The following AR variants were observed in gnomAD, a reference collection of about 807,000 sequenced individuals.
AR encodes androgen receptor.
A neutral mutation model predicts 53.9 loss-of-function variants in AR; 8 were observed. The ratio of observed to expected loss-of-function variants is 0.15; its 90% confidence interval spans 0.09 to 0.27. AR has a LOEUF of 0.27. Ranked by LOEUF, AR falls within the 10% of genes least tolerant of loss-of-function variation. AR has a pLI of 1.00. For missense variants in AR, 639 were observed against 742.5 expected (o/e 0.86, Z 1.62); for synonymous variants, 359 against 316.4 (o/e 1.13, Z -1.43).
intron 2 of AR, among the ~76,000 whole-genome samples, chrX:67,661,166 C>T (rs982292216): frequency 2.7e-5 from 3 of 111,520 alleles, no homozygotes; most frequent in Admixed American, 1.9e-4. Flanking sequence ...CAAACAGAGA[C>T]AATTTGACTT....
chrX:67,686,176 C>T (rs2075965883), intron 3 of AR, 50 bp downstream of exon 3: 2 of 1,129,716 alleles, frequency 1.8e-6, no homozygotes, highest in Non-Finnish European at 1.2e-6. Flanking sequence ...CCCCCTTCTC[C>T]CTCATTTTCT....
intron 5 of AR, among the ~76,000 whole-genome samples, chrX:67,719,201 C>A (rs2076125875): frequency 8.9e-6 from 1 of 111,851 alleles, no homozygotes. Context: ...GCTTTTGGCA[C>A]AAACTGCTTT....
chrX:67,637,721 T>G (rs997581113), intron 1 of AR, among the ~76,000 whole-genome samples: 1 of 111,416 alleles, frequency 9.0e-6, no homozygotes, highest in African/African-American at 3.3e-5. Context: ...CAGGCTTAAC[T>G]GAAACTTTAT....
At chrX:67,593,841 G>A (rs1922954118) in intron 1 of AR, among the ~76,000 whole-genome samples, 1 of 111,824 alleles carries the variant, frequency 8.9e-6, no homozygotes, top group East Asian at 2.8e-4. Context: ...AAATAAGTAC[G>A]GTTTTCATTT....
rs55686369 is a variant in AR, at chrX:67,721,917, C to G, written c.2403C>G (p.Thr801=). 8.3e-7 allele frequency: 1 copy of G among 1,211,393 alleles called. No individual in the cohort carries two copies. The highest frequency in any genetic ancestry group is 3.0e-5 in the East Asian group (1 of 33,794). The change falls in exon 6 of 8, where the codon ACC becomes ACG. Residue 801 remains threonine, a synonymous_variant. Coordinates refer to ENST00000374690, the MANE Select transcript of AR (RefSeq NM_000044.6). Reference sequence around the variant, plus strand: ...AAGAGTTTGGATGGCTCCAAATCACCCCCCAGGAATTCCTGTGCATGAAAG... The same window carrying G: ...AAGAGTTTGGATGGCTCCAAATCACGCCCCAGGAATTCCTGTGCATGAAAG... The part of the protein sequence containing the change: ...LSQEFGWLQI[T]PQEFLCMKAL...
At chrX:67,567,603 C>A (rs1921609490) in intron 1 of AR, among the ~76,000 whole-genome samples, 1 of 111,314 alleles carries the variant, frequency 9.0e-6, no homozygotes, top group Non-Finnish European at 1.9e-5. Flanking sequence ...ACCAATAAGA[C>A]CATGAGTGAA....
At chrX:67,695,888 G>T in intron 3 of AR, 15 of 752,858 alleles carry the variant, frequency 2.0e-5, no homozygotes, top group Non-Finnish European at 2.3e-5. Context: ...CTGGAGAAAA[G>T]CCAAGGAAGG....
At chrX:67,580,063 C>T (rs1308584303) in intron 1 of AR, among the ~76,000 whole-genome samples, 3 of 109,675 alleles carry the variant, frequency 2.7e-5, no homozygotes, top group African/African-American at 1.0e-4. Flanking sequence ...AGCCACCACT[C>T]ATCAGTTCTC....
In AR at chrX:67,699,814, T is replaced by G. The variant is rs1347049224; in HGVS notation, c.1886-11588T>G. ...CAAACTTCCTAAGACTTTGGAAACTTCACGCCACTTTCACCTTTTCCTTAA... is the reference window on the plus strand; with the variant it reads ...CAAACTTCCTAAGACTTTGGAAACTGCACGCCACTTTCACCTTTTCCTTAA... On this transcript the variant is annotated intron_variant, in intron 3 of 7. Coordinates refer to ENST00000374690, the MANE Select transcript of AR (RefSeq NM_000044.6). Among the ~76,000 whole-genome samples, 22 of 111,280 alleles carry G rather than the reference T, an allele frequency of 2.0e-4. No homozygotes were observed. The Admixed American group carries it at 2.1e-3, about 11-fold the overall frequency.
chrX:67,548,087 C>A (rs1370219610), intron 1 of AR, among the ~76,000 whole-genome samples: 1 of 111,695 alleles, frequency 9.0e-6, no homozygotes. Flanking sequence ...TGGCTGTTTT[C>A]TTTTACCTGT....
At chrX:67,712,481 T>C (rs1479571509) in intron 4 of AR, among the ~76,000 whole-genome samples, 1 of 112,573 alleles carries the variant, frequency 8.9e-6, no homozygotes, top group Non-Finnish European at 1.9e-5. Context: ...GTTATTAAAA[T>C]ATTACAGCTT....
At chrX:67,702,151 G>T (rs1339446014) in intron 3 of AR, among the ~76,000 whole-genome samples, 1 of 111,730 alleles carries the variant, frequency 9.0e-6, no homozygotes, top group East Asian at 2.8e-4. Context: ...ATAGGGATAA[G>T]AAATATCTTT....
At chrX:67,639,040 G>A (rs758735445) in intron 1 of AR, among the ~76,000 whole-genome samples, 2 of 111,935 alleles carry the variant, frequency 1.8e-5, no homozygotes, top group South Asian at 7.4e-4. Flanking sequence ...CATATGGCTA[G>A]CTAGTTTTCC....
At chrX:67,719,782 G>A (rs769387549) in intron 5 of AR, among the ~76,000 whole-genome samples, 1 of 112,178 alleles carries the variant, frequency 8.9e-6, no homozygotes, top group South Asian at 3.7e-4. Context: ...GACACCCACT[G>A]AAGAGGCAGT....
intron 1 of AR, among the ~76,000 whole-genome samples, chrX:67,614,011 A>G (rs1435323833): frequency 1.8e-5 from 2 of 112,407 alleles, no homozygotes; most frequent in Non-Finnish European, 3.8e-5. Context: ...TCATAGCAAC[A>G]TTAACCAAAA....
intron 3 of AR, among the ~76,000 whole-genome samples, chrX:67,708,176 T>A (rs1363958038): frequency 8.9e-6 from 1 of 111,785 alleles, no homozygotes; most frequent in Admixed American, 9.5e-5. Flanking sequence ...TTCCTGAATG[T>A]GAATGTTGGC....
Position 67,590,196 on chromosome X carries a change from C to T in AR, c.1616+43434C>T, listed in dbSNP as rs1291371185. On this transcript the variant is annotated intron_variant, in intron 1 of 7. Transcript: ENST00000374690. ...TTTAGGGCATAAAAGAATGTCGGAACTCAAGGACTAGGTTGAGGTGGGGAA... is the reference window on the plus strand; with the variant it reads ...TTTAGGGCATAAAAGAATGTCGGAATTCAAGGACTAGGTTGAGGTGGGGAA... 8.1e-5 allele frequency among the ~76,000 whole-genome samples: 9 copies of T among 111,366 alleles called. No homozygotes were observed. In the Admixed American group the frequency reaches 8.6e-4, roughly 11 times the overall value.
chrX:67,573,155 A>G (rs1271812511), intron 1 of AR, among the ~76,000 whole-genome samples: 1 of 111,555 alleles, frequency 9.0e-6, no homozygotes, highest in Non-Finnish European at 1.9e-5. Context: ...CCCTAAGATT[A>G]ACCATTCTAC....
chrX:67,596,443 A>T (rs1409624047), intron 1 of AR, among the ~76,000 whole-genome samples: 3 of 111,619 alleles, frequency 2.7e-5, no homozygotes, highest in African/African-American at 9.8e-5. Flanking sequence ...CTAATTATTT[A>T]AAAAAGCATT....
Sources: gnomAD v4.1 joint callset for allele counts (sites outside exome capture counted in the v4.1 genomes callset) on GRCh38, gnomAD v4.1.1 for gene constraint, MANE v1.5 for transcripts, NCBI Gene and HGNC (gene_info 2026-07-23, HGNC 2026-07-21) for gene names.